Variants in CAPN3 observed in about 807,000 individuals in gnomAD.
CAPN3 encodes the protein calpain 3.
A neutral mutation model predicts 114.0 loss-of-function variants in CAPN3; 88 were observed. The ratio of observed to expected loss-of-function variants is 0.77; its 90% CI spans 0.65 to 0.92. The LOEUF (loss-of-function observed/expected upper bound fraction) is 0.92, where lower values mean the gene tolerates loss of function less well. Among genes scored for constraint, CAPN3 ranks in the 40% least tolerant of loss-of-function variants. The pLI is 0.00. For synonymous variants in CAPN3, 386 were observed against 382.9 expected (o/e 1.01, Z -0.09); for missense variants, 1,028 against 1,069.0 (o/e 0.96, Z 0.53).
chr15:42,410,405 T>G (rs1468650824), intron 19 of CAPN3, 23 bp from the exon 20 acceptor site: 2 of 1,612,580 alleles, frequency 1.2e-6, no homozygotes, highest in South Asian at 2.2e-5. Context: ...GTGTGCTGTG[T>G]AGCCCTGACC....
intron 11 of CAPN3, 76 bp downstream of exon 11, chr15:42,401,886 G>C: frequency 6.7e-7 from 1 of 1,497,512 alleles, no homozygotes; most frequent in Non-Finnish European, 9.1e-7. Context: ...TTCTAGAGGG[G>C]CCCTCTGGCT....
chr15:42,379,668 A>G (rs202036341), intron 1 of CAPN3, among the ~76,000 whole-genome samples: 2 of 152,174 alleles, frequency 1.3e-5, no homozygotes, highest in Admixed American at 6.5e-5. Context: ...AAATTGACCA[A>G]TTGACCTTTT....
chr15:42,391,186 T>C (rs1487025916), intron 6 of CAPN3, among the ~76,000 whole-genome samples: 1 of 152,226 alleles, frequency 6.6e-6, no homozygotes, highest in African/African-American at 2.4e-5. Flanking sequence ...TATAATTTAT[T>C]TACCCAATAC....
chr15:42,402,621 G>C, intron 12 of CAPN3, 173 bp from the exon 13 acceptor site: 1 of 1,524,260 alleles, frequency 6.6e-7, no homozygotes, highest in Non-Finnish European at 8.8e-7. Context: ...AACAGAAAAG[G>C]AAGAGGAAGT....
intron 10 of CAPN3, among the ~76,000 whole-genome samples, chr15:42,400,147 C>A (rs1484096558): frequency 6.6e-6 from 1 of 152,190 alleles, no homozygotes; most frequent in Non-Finnish European, 1.5e-5. Flanking sequence ...AATCCAGTTT[C>A]TACTGAATGT....
At chr15:42,367,146 C>A (rs1179687673) in intron 1 of CAPN3, among the ~76,000 whole-genome samples, 1 of 152,162 alleles carries the variant, frequency 6.6e-6, no homozygotes, top group African/African-American at 2.4e-5. Context: ...TCACAGAATT[C>A]TTTCCGAGTG....
chr15:42,403,571 G>T (rs998549773), intron 13 of CAPN3, among the ~76,000 whole-genome samples, 170 bp from the exon 14 acceptor site: 1 of 152,084 alleles, frequency 6.6e-6, no homozygotes, highest in African/African-American at 2.4e-5. Flanking sequence ...CTTGGCTGTC[G>T]GGGATGGTGC....
intron 22 of CAPN3, 99 bp from the exon 23 acceptor site, chr15:42,411,188 G>A: frequency 1.2e-5 from 13 of 1,093,972 alleles, no homozygotes; most frequent in Non-Finnish European, 2.8e-6. Context: ...TTGTGCTGAT[G>A]AGGGACAGCA....
chr15:42,402,241 C>G (rs1252194863), intron 12 of CAPN3, 106 bp downstream of exon 12: 1 of 1,603,714 alleles, frequency 6.2e-7, no homozygotes, highest in East Asian at 2.2e-5. Context: ...GTGGGCAGGA[C>G]TGTGATAGGA....
chr15:42,406,074 A>C (rs2141210803), intron 15 of CAPN3, 131 bp downstream of exon 15: 1 of 840,452 alleles, frequency 1.2e-6, no homozygotes, highest in African/African-American at 1.7e-5. Context: ...CTCCTTCCTG[A>C]GCTTCTGCTG....
chr15:42,405,468 G>A (rs368657065), intron 14 of CAPN3, among the ~76,000 whole-genome samples: 2 of 151,928 alleles, frequency 1.3e-5, no homozygotes, highest in African/African-American at 2.4e-5. Context: ...CCACCATCAC[G>A]CCTGGATAAT....
At chr15:42,367,613 T>G (rs1469466024) in intron 1 of CAPN3, among the ~76,000 whole-genome samples, 5 of 152,344 alleles carry the variant, frequency 3.3e-5, no homozygotes, top group Non-Finnish European at 7.3e-5. Context: ...TGGATGGCTT[T>G]CTTTCCTGAT....
chr15:42,381,962 G>A (rs116346045), intron 1 of CAPN3, among the ~76,000 whole-genome samples: 2,228 of 152,222 alleles, frequency 0.015, 57 homozygotes, highest in African/African-American at 0.051. Context: ...GGAAGAGCTC[G>A]TGGGAACAAT....
chr15:42,380,751 A>ATATTTTTTTT (rs1436943739), intron 1 of CAPN3, among the ~76,000 whole-genome samples: 1 of 64,484 alleles, frequency 1.6e-5, no homozygotes, highest in African/African-American at 9.0e-5. Context: ...ATATATATAT[A>ATATTTTTTTT]TTTTTTTTTT....
chr15:42,369,459 G>A (rs750203033), intron 1 of CAPN3, among the ~76,000 whole-genome samples: 6 of 151,708 alleles, frequency 4.0e-5, no homozygotes, highest in Non-Finnish European at 8.8e-5. Flanking sequence ...CCAAAATTGC[G>A]CCACTGCATT....
At position 42,403,774 on chromosome 15, in the gene CAPN3, A is replaced by G. The variant is rs1479181201; in HGVS notation, c.1779A>G (p.Pro593=). The G allele has an allele frequency of 2.5e-6, 4 of 1,613,948 alleles. No individual in the cohort carries two copies. The highest frequency in any genetic ancestry group is 1.7e-5 in the Admixed American group (1 of 60,024). The change falls in exon 14 of 24, where the codon CCA becomes CCG. Residue 593 remains proline, a synonymous_variant. Transcript: ENST00000397163. The stretch of plus-strand genomic sequence containing the variant: ...AAAATACCATCTCCGTGGATCGGCC[A>G]GTGGTGAGTGGTTTAGATCTTCTGT... ...EVENTISVDR[P]VKKKKTKPII... is the part of the protein sequence containing the mutation.
chr15:42,398,635 A>ACACACG (rs1491555635), intron 9 of CAPN3, among the ~76,000 whole-genome samples: 1 of 142,744 alleles, frequency 7.0e-6, no homozygotes, highest in African/African-American at 2.6e-5. Flanking sequence ...ACACACACAC[A>ACACACG]TATATATACA....
At chr15:42,403,080 C>G in intron 13 of CAPN3, 78 bp downstream of exon 13, 3 of 1,158,584 alleles carry the variant, frequency 2.6e-6, no homozygotes, top group Non-Finnish European at 3.9e-6. Context: ...CATGAGGCAG[C>G]TAGACACGTC....
intron 13 of CAPN3, 83 bp downstream of exon 13, chr15:42,403,085 C>G (rs977191291): frequency 4.2e-5 from 47 of 1,115,734 alleles, no homozygotes; most frequent in Non-Finnish European, 6.0e-5. Flanking sequence ...GGCAGCTAGA[C>G]ACGTCTCCTC....
Sources: gnomAD v4.1 joint callset for allele counts (sites outside exome capture counted in the v4.1 genomes callset) on GRCh38, gnomAD v4.1.1 for gene constraint, MANE v1.5 for transcripts, NCBI Gene and HGNC (gene_info 2026-07-23, HGNC 2026-07-21) for gene names.